Variants in DNAH9 observed in about 807,000 individuals in gnomAD.
The protein encoded by DNAH9 is dynein axonemal heavy chain 9.
In DNAH9, 345 loss-of-function variants were observed where a neutral mutation model predicts 471.6. That is an observed-to-expected ratio of 0.73 (90% CI 0.67 to 0.80). The LOEUF (loss-of-function observed/expected upper bound fraction) is 0.80. DNAH9 is among the 30% of genes least tolerant of loss of function. DNAH9 has a pLI of 0.00. For missense variants in DNAH9, 5,407 were observed against 5,609.2 expected (o/e 0.96, Z 1.15); for synonymous variants, 2,093 against 2,123.6 (o/e 0.99, Z 0.40).
chr17:11,747,502 G>A (rs1237634306), intron 31 of DNAH9, 54 bp from the exon 32 acceptor site: 4 of 1,432,516 alleles, frequency 2.8e-6, no homozygotes, highest in Admixed American at 3.5e-5. Context: ...AGAGCAGTTG[G>A]GATGCAGGTG....
chr17:11,777,296 T>A (rs1411800579), intron 38 of DNAH9, among the ~76,000 whole-genome samples: 1 of 152,262 alleles, frequency 6.6e-6, no homozygotes, highest in African/African-American at 2.4e-5. Context: ...CATCCTACAT[T>A]ACTAGTGTAA....
rs753382976 is a variant in DNAH9 at position 11,880,088 on chromosome 17, A to G, written c.10489A>G (p.Ile3497Val). ...TACTTGTTTCCCTAGCTACCTTCAA[A>G]TCATAGAGCAGGCCCTGGAAGCTGG... ...TQIGQKGYLQ[I>V]IEQALEAGAV... Residue 3497 changes from isoleucine (I) to valine (V), a missense_variant, in exon 54 of 69, where the codon ATC (isoleucine) becomes GTC (valine). Around this residue, in one of 3 missense-constraint regions of DNAH9, gnomAD observed 4,636 missense variants for 4,900.3 expected, o/e 0.95. Coordinates refer to ENST00000262442, the MANE Select transcript of DNAH9 (RefSeq NM_001372.4). 3 of 1,613,588 alleles carry G rather than the reference A, an allele frequency of 1.9e-6. No individual in the cohort carries two copies. The highest frequency in any genetic ancestry group is 2.7e-5 in the African/African-American group (2 of 74,874).
At chr17:11,695,841 G>A (rs1377423372) in intron 22 of DNAH9, among the ~76,000 whole-genome samples, 1 of 152,048 alleles carries the variant, frequency 6.6e-6, no homozygotes, top group Non-Finnish European at 1.5e-5. Context: ...ACATTGTCTG[G>A]GTCTCAAAAT....
rs193092889 is a variant in DNAH9, at chr17:11,623,059, T to C, written c.1350+3278T>C. Among the ~76,000 whole-genome samples, 280 of 148,870 alleles carry C rather than the reference T, an allele frequency of 1.9e-3. No individual in the cohort carries two copies. Among genetic ancestry groups the C allele is most frequent in the East Asian group, 0.016 (74 of 4,722 alleles). On this transcript the variant is annotated intron_variant, in intron 6 of 68. Coordinates refer to ENST00000262442, the MANE Select transcript of DNAH9 (RefSeq NM_001372.4). This position sits in a 1 kb window ranked among gnomAD's most constrained non-coding sequence, Gnocchi z 4.1. ...CACAATCTCGGCTCACGACAACCTC[T>C]GCCTCCTGGGTTCAAGCGATTCTCC...
intron 26 of DNAH9, among the ~76,000 whole-genome samples, chr17:11,712,261 A>C (rs1255882559): frequency 6.7e-6 from 1 of 149,572 alleles, no homozygotes; most frequent in Non-Finnish European, 1.5e-5. Flanking sequence ...ATGTGTCTGT[A>C]GTTGGTTATT....
intron 48 of DNAH9, among the ~76,000 whole-genome samples, chr17:11,832,020 C>T (rs1321343765): frequency 6.6e-6 from 1 of 152,210 alleles, no homozygotes; most frequent in Non-Finnish European, 1.5e-5. Flanking sequence ...CCCTCTCAAC[C>T]TTCCCATCCA....
chr17:11,757,256 T>C (rs1967435462), intron 34 of DNAH9, among the ~76,000 whole-genome samples: 1 of 152,162 alleles, frequency 6.6e-6, no homozygotes, highest in Non-Finnish European at 1.5e-5. Flanking sequence ...CCGGGCTCTG[T>C]GGCTCACACC....
chr17:11,618,151 A>G (rs915775748), intron 5 of DNAH9, among the ~76,000 whole-genome samples: 3 of 152,236 alleles, frequency 2.0e-5, no homozygotes, highest in African/African-American at 7.2e-5. Flanking sequence ...GTGATAATGC[A>G]TGTGCCCTGC....
chr17:11,913,218 T>C (rs1973843272), intron 61 of DNAH9, among the ~76,000 whole-genome samples: 2 of 152,192 alleles, frequency 1.3e-5, no homozygotes, highest in Admixed American at 1.3e-4. Flanking sequence ...TCATGAATGT[T>C]TGGTAGAATT....
At chr17:11,822,086 GC>G in intron 46 of DNAH9, 24 bp downstream of exon 46, 3 of 1,600,618 alleles carry the variant, frequency 1.9e-6, no homozygotes, top group East Asian at 2.2e-5. Flanking sequence ...ACTGACAGGG[GC>G]AGGCAGAGAC....
chr17:11,965,667 A>G (rs1201992886), intron 68 of DNAH9, among the ~76,000 whole-genome samples: 1 of 152,250 alleles, frequency 6.6e-6, no homozygotes, highest in East Asian at 1.9e-4. Flanking sequence ...ACTTTAAATC[A>G]GCTATTTTAA....
intron 27 of DNAH9, among the ~76,000 whole-genome samples, chr17:11,720,252 T>C (rs1208901169): frequency 6.6e-6 from 1 of 151,490 alleles, no homozygotes; most frequent in Non-Finnish European, 1.5e-5. Context: ...TCTTTTTTTT[T>C]CTTTTTTTAA....
chr17:11,783,838 C>T, intron 40 of DNAH9, 90 bp downstream of exon 40: 1 of 1,013,640 alleles, frequency 9.9e-7, no homozygotes, highest in Non-Finnish European at 1.5e-6. Context: ...GGCCTTTTTC[C>T]CCATGCAGCC....
At chr17:11,701,535 C>A (rs2074595076) in intron 24 of DNAH9, among the ~76,000 whole-genome samples, 1 of 152,188 alleles carries the variant, frequency 6.6e-6, no homozygotes, top group African/African-American at 2.4e-5. Context: ...AGCCTACTTT[C>A]TATGTGCCAA....
At chr17:11,888,273 G>A (rs916621075) in intron 57 of DNAH9, among the ~76,000 whole-genome samples, 4 of 152,132 alleles carry the variant, frequency 2.6e-5, no homozygotes, top group African/African-American at 4.8e-5. Flanking sequence ...GTGAGCCACT[G>A]CACCCGGTCC....
Position 11,924,036 on chromosome 17 carries a change from T to C in DNAH9, c.11877+95T>C, listed in dbSNP as rs2286300. On this transcript the variant is annotated intron_variant, in intron 62 of 68. Transcript: ENST00000262442. The stretch of plus-strand genomic sequence containing the variant: ...TCCATCCACTCTTAGCTTCTCCCCA[T>C]CTGTCCTTTCACACTCTTGTCCCCT... 0.62 allele frequency: 926,719 copies of C among 1,505,232 alleles called. 286,648 individuals carry two copies. Among genetic ancestry groups the C allele is most frequent in the Admixed American group, 0.74 (37,305 of 50,566 alleles). 93.2% of individuals were successfully genotyped at this position (1,505,232 alleles called of 1,614,324 possible).
At chr17:11,807,512 G>A (rs1969733427) in intron 43 of DNAH9, among the ~76,000 whole-genome samples, 1 of 152,110 alleles carries the variant, frequency 6.6e-6, no homozygotes, top group Non-Finnish European at 1.5e-5. Flanking sequence ...GCTGTCCCTA[G>A]TTCACTAGAG....
intron 27 of DNAH9, among the ~76,000 whole-genome samples, chr17:11,721,257 T>G (rs1265096196): frequency 6.6e-6 from 1 of 151,884 alleles, no homozygotes; most frequent in African/African-American, 2.4e-5. Flanking sequence ...TCTATCTTTG[T>G]TTTTTTTGTT....
chr17:11,769,036 T>C (rs1041684888), intron 37 of DNAH9, 86 bp from the exon 38 acceptor site: 4 of 1,384,806 alleles, frequency 2.9e-6, no homozygotes, highest in Admixed American at 1.7e-5. Context: ...CGGAATCCCC[T>C]GTTCTGAAAT....
Sources: gnomAD v4.1 joint callset for allele counts (sites outside exome capture counted in the v4.1 genomes callset) on GRCh38, gnomAD v4.1.1 for gene constraint, gnomAD v4.1.1 regional missense constraint, Gnocchi (gnomAD v3.1) non-coding constraint, MANE v1.5 for transcripts, NCBI Gene and HGNC (gene_info 2026-07-23, HGNC 2026-07-21) for gene names.